The following GRIN2B variants were observed in gnomAD, a reference collection of about 807,000 sequenced individuals.
The protein encoded by GRIN2B is glutamate receptor ionotropic, NMDA 2B.
In GRIN2B, 5 loss-of-function variants were observed where a neutral mutation model predicts 114.5. The ratio of observed to expected loss-of-function variants is 0.04; its 90% CI spans 0.02 to 0.09. The LOEUF (loss-of-function observed/expected upper bound fraction) is 0.09. Among genes scored for constraint, GRIN2B ranks in the 10% least tolerant of loss-of-function variants. The pLI is 1.00. For synonymous variants in GRIN2B, 787 were observed against 745.1 expected (o/e 1.06, Z -0.92); for missense variants, 1,108 against 1,943.5 (o/e 0.57, Z 8.08).
At chr12:13,834,635 C>T (rs557027025) in intron 3 of GRIN2B, among the ~76,000 whole-genome samples, 45 of 152,226 alleles carry the variant, frequency 3.0e-4, no homozygotes, top group Non-Finnish European at 5.4e-4. Context: ...TCCCTTCGGC[C>T]CTTTCACAGG....
intron 4 of GRIN2B, among the ~76,000 whole-genome samples, chr12:13,743,231 TG>T (rs1206110628): frequency 2.0e-5 from 3 of 152,202 alleles, no homozygotes; most frequent in Non-Finnish European, 4.4e-5. Flanking sequence ...GCAAGAGTTT[TG>T]TGTCAGGGAT....
chr12:13,607,073 G>T (rs931343270), intron 10 of GRIN2B, among the ~76,000 whole-genome samples: 2 of 143,830 alleles, frequency 1.4e-5, no homozygotes. Context: ...CGGCCCTCTA[G>T]TAACACCCCA....
chr12:13,929,720 C>T (rs1029867214), intron 2 of GRIN2B, among the ~76,000 whole-genome samples: 22 of 152,228 alleles, frequency 1.4e-4, no homozygotes, highest in African/African-American at 5.3e-4. Flanking sequence ...TGAGCTTTAC[C>T]ATTTACAAGC....
intron 10 of GRIN2B, among the ~76,000 whole-genome samples, chr12:13,576,805 G>A (rs989150052): frequency 5.3e-5 from 8 of 152,124 alleles, no homozygotes; most frequent in South Asian, 2.1e-4. Flanking sequence ...CGCTCTGCTC[G>A]GCCTCCCAAG....
chr12:13,923,438 T>C (rs1203786202), intron 2 of GRIN2B, among the ~76,000 whole-genome samples: 1 of 152,238 alleles, frequency 6.6e-6, no homozygotes, highest in Non-Finnish European at 1.5e-5. Flanking sequence ...GATGAGGCAC[T>C]TTTAAATACC....
At chr12:13,837,376 T>C (rs966618023) in intron 3 of GRIN2B, among the ~76,000 whole-genome samples, 2 of 152,180 alleles carry the variant, frequency 1.3e-5, no homozygotes, top group Non-Finnish European at 2.9e-5. Context: ...TCTGCACTTG[T>C]ACAACAATCT....
intron 4 of GRIN2B, among the ~76,000 whole-genome samples, chr12:13,676,814 C>T (rs1950078992): frequency 6.6e-6 from 1 of 152,094 alleles, no homozygotes; most frequent in African/African-American, 2.4e-5. Flanking sequence ...CAGGATGCAT[C>T]TGGAAATCAG....
At chr12:13,696,056 C>A (rs1364926511) in intron 4 of GRIN2B, among the ~76,000 whole-genome samples, 2 of 152,184 alleles carry the variant, frequency 1.3e-5, no homozygotes, top group Non-Finnish European at 2.9e-5. Flanking sequence ...ACTATAACTA[C>A]AACCTCCTTA....
chr12:13,607,917 T>C (rs1185913269), intron 10 of GRIN2B, among the ~76,000 whole-genome samples: 1 of 152,128 alleles, frequency 6.6e-6, no homozygotes, highest in Non-Finnish European at 1.5e-5. Flanking sequence ...AATGTGATGC[T>C]TCAGGCAGAC....
chr12:13,849,010 C>CA (rs148640237), intron 3 of GRIN2B, among the ~76,000 whole-genome samples: 20,070 of 152,116 alleles, frequency 0.13, 1,445 homozygotes, highest in South Asian at 0.17. Context: ...ACTGCAGGGC[C>CA]AAATGGGTGA....
chr12:13,662,743 T>TA (rs1399179637), intron 5 of GRIN2B, among the ~76,000 whole-genome samples: 3 of 152,130 alleles, frequency 2.0e-5, no homozygotes, highest in Non-Finnish European at 2.9e-5. Context: ...CTTGAGCAAC[T>TA]ACATGAAGAT....
chr12:13,628,009 G>A (rs1294652208), intron 5 of GRIN2B, among the ~76,000 whole-genome samples: 1 of 152,216 alleles, frequency 6.6e-6, no homozygotes, highest in Non-Finnish European at 1.5e-5. Flanking sequence ...AACAGGATTT[G>A]AACACAGGCA....
intron 10 of GRIN2B, among the ~76,000 whole-genome samples, chr12:13,575,673 C>CAACAATAATAATAATAATAATAAT (rs113820666): frequency 2.7e-5 from 4 of 147,640 alleles, no homozygotes; most frequent in African/African-American, 1.0e-4. Flanking sequence ...ATGATAACAA[C>CAACAATAATAATAATAATAATAAT]AATAATAATA....
At chr12:13,728,117 G>A (rs892135203) in intron 4 of GRIN2B, among the ~76,000 whole-genome samples, 1 of 152,194 alleles carries the variant, frequency 6.6e-6, no homozygotes, top group South Asian at 2.1e-4. Flanking sequence ...TACAAAGCCA[G>A]TAACATGGTT....
rs143746712 is a variant in GRIN2B at position 13,947,592 on chromosome 12, T to C, written c.-19+32336A>G. 2.0e-5 allele frequency among the ~76,000 whole-genome samples: 3 copies of C among 152,344 alleles called. No individual in the cohort carries two copies. The East Asian group carries it at 5.8e-4, about 29-fold the overall frequency. ...ATCCTATCCACATCCTGCAACAGAA[T>C]GTTTCAACATCCCCATGGGTGTTCT... On this transcript the variant is annotated intron_variant, in intron 2 of 13. Transcript: ENST00000609686.
chr12:13,910,249 G>A (rs1465120491), intron 2 of GRIN2B, among the ~76,000 whole-genome samples: 1 of 152,092 alleles, frequency 6.6e-6, no homozygotes, highest in Non-Finnish European at 1.5e-5. Flanking sequence ...CTCCCTCGAA[G>A]AGCATAGAGT....
chr12:13,880,084 C>T (rs1444846852), intron 2 of GRIN2B, among the ~76,000 whole-genome samples: 1 of 152,168 alleles, frequency 6.6e-6, no homozygotes, highest in Non-Finnish European at 1.5e-5. Context: ...CACACACACT[C>T]CCCAACACAG....
At chr12:13,927,104 G>C (rs1287713541) in intron 2 of GRIN2B, among the ~76,000 whole-genome samples, 1 of 152,094 alleles carries the variant, frequency 6.6e-6, no homozygotes, top group Non-Finnish European at 1.5e-5. Flanking sequence ...TAAGAGCAGA[G>C]ACCACCCAAC....
intron 3 of GRIN2B, among the ~76,000 whole-genome samples, chr12:13,848,137 G>A (rs1024155315): frequency 3.3e-5 from 5 of 152,152 alleles, no homozygotes; most frequent in Admixed American, 3.3e-4. Flanking sequence ...CCCACAAACG[G>A]TGGAATCTGT....
Sources: allele counts gnomAD v4.1 joint callset (sites outside exome capture counted in the v4.1 genomes callset), GRCh38; gene constraint gnomAD v4.1.1; transcripts MANE v1.5; gene names NCBI Gene and HGNC (gene_info 2026-07-23, HGNC 2026-07-21).